The following AGBL4 variants were observed in gnomAD, a reference collection of about 807,000 sequenced individuals.
AGBL4 encodes the protein AGBL carboxypeptidase 4.
In AGBL4, 58 loss-of-function variants were observed where a neutral mutation model predicts 66.4. The ratio of observed to expected loss-of-function variants is 0.87; its 90% CI spans 0.71 to 1.09. The LOEUF is 1.09. Among genes scored for constraint, AGBL4 ranks in the 50% least tolerant of loss-of-function variants. AGBL4 has a pLI of 0.00. For missense variants in AGBL4, 579 were observed against 631.0 expected, an observed-to-expected ratio of 0.92 and a Z score of 0.88; for synonymous variants, 234 against 222.9, an observed-to-expected ratio of 1.05 and a Z score of -0.44.
chr1:49,818,043 T>A (rs2147985930), intron 2 of AGBL4, among the ~76,000 whole-genome samples: 1 of 152,298 alleles, frequency 6.6e-6, no homozygotes, highest in African/African-American at 2.4e-5. Flanking sequence ...GTTCTTAATT[T>A]TTTGTAACTT....
chr1:48,531,055 A>T (rs1264210828), downstream of AGBL4, among the ~76,000 whole-genome samples: 1 of 152,176 alleles, frequency 6.6e-6, no homozygotes, highest in Non-Finnish European at 1.5e-5. Context: ...AAAGCTAAGG[A>T]GAAGCTAAGC....
At chr1:48,839,731 G>T (rs1182224964) in intron 6 of AGBL4, among the ~76,000 whole-genome samples, 1 of 152,084 alleles carries the variant, frequency 6.6e-6, no homozygotes, top group Non-Finnish European at 1.5e-5. Flanking sequence ...TAAGAAATGG[G>T]AAATAACTGA....
intron 3 of AGBL4, among the ~76,000 whole-genome samples, chr1:49,248,743 T>G (rs1461514150): frequency 6.6e-6 from 1 of 152,192 alleles, no homozygotes; most frequent in Non-Finnish European, 1.5e-5. Flanking sequence ...GCATATTGTA[T>G]CTAGATCTAA....
rs543891790 is a variant in AGBL4, at chr1:48,744,600, C to G, written c.635-81359G>C. On this transcript the variant is annotated intron_variant, in intron 6 of 13. Coordinates refer to ENST00000371839, the MANE Select transcript of AGBL4 (RefSeq NM_032785.4). Reference sequence around the variant, plus strand: ...GTCTTTCCTCTAAAGCCTCCTTTTCCTTCCATGAGAGGCTGGACAACAGAA... The same window carrying G: ...GTCTTTCCTCTAAAGCCTCCTTTTCGTTCCATGAGAGGCTGGACAACAGAA... Among the ~76,000 whole-genome samples, 8 of 152,292 alleles carry G rather than the reference C, an allele frequency of 5.3e-5. No homozygotes were observed. In the South Asian group the frequency reaches 8.3e-4, roughly 16 times the overall value.
chr1:48,784,269 T>C (rs761417594), intron 6 of AGBL4, among the ~76,000 whole-genome samples: 51 of 152,306 alleles, frequency 3.3e-4, no homozygotes, highest in Non-Finnish European at 6.8e-4. Flanking sequence ...TTATTATAGT[T>C]ATAATTATAA....
intron 2 of AGBL4, among the ~76,000 whole-genome samples, chr1:49,704,896 G>C (rs1249955497): frequency 6.6e-6 from 1 of 152,116 alleles, no homozygotes. Flanking sequence ...GCTTAGGATT[G>C]TTTTGAATAT....
chr1:49,089,047 A>C (rs1310083418), intron 4 of AGBL4, among the ~76,000 whole-genome samples: 2 of 151,936 alleles, frequency 1.3e-5, no homozygotes, highest in Admixed American at 6.6e-5. Flanking sequence ...AAATTCTTGG[A>C]AACTAATGAG....
intron 1 of AGBL4, among the ~76,000 whole-genome samples, chr1:49,884,339 T>C (rs1647775961): frequency 6.6e-6 from 1 of 151,916 alleles, no homozygotes; most frequent in Non-Finnish European, 1.5e-5. Context: ...TAGAACATAG[T>C]ATTCACTCAG....
intron 1 of AGBL4, among the ~76,000 whole-genome samples, chr1:49,950,490 C>G (rs1353472993): frequency 6.6e-6 from 1 of 151,558 alleles, no homozygotes; most frequent in Non-Finnish European, 1.5e-5. Flanking sequence ...ACCAAAATCT[C>G]ACAAATCACC....
At chr1:49,610,981 A>G (rs2124229808) in intron 3 of AGBL4, among the ~76,000 whole-genome samples, 1 of 152,338 alleles carries the variant, frequency 6.6e-6, no homozygotes, top group South Asian at 2.1e-4. Flanking sequence ...AAAACCAACC[A>G]GGGATAAGGA....
At chr1:49,132,574 G>T (rs1645921816) in intron 4 of AGBL4, among the ~76,000 whole-genome samples, 1 of 152,074 alleles carries the variant, frequency 6.6e-6, no homozygotes, top group Non-Finnish European at 1.5e-5. Context: ...GTATTTTAGA[G>T]CCAGAAGACA....
chr1:49,099,728 T>G (rs1193934659), intron 4 of AGBL4, among the ~76,000 whole-genome samples: 1 of 152,072 alleles, frequency 6.6e-6, no homozygotes, highest in Non-Finnish European at 1.5e-5. Flanking sequence ...TCTGATTTGA[T>G]TCTATATCCC....
At chr1:49,493,269 GTTA>G (rs1375424322) in intron 3 of AGBL4, among the ~76,000 whole-genome samples, 1 of 151,932 alleles carries the variant, frequency 6.6e-6, no homozygotes, top group Non-Finnish European at 1.5e-5. Context: ...CCTTGAAATA[GTTA>G]TTATAATACT....
At chr1:49,860,938 AC>A (rs1343346471) in intron 1 of AGBL4, among the ~76,000 whole-genome samples, 1 of 151,132 alleles carries the variant, frequency 6.6e-6, no homozygotes. Flanking sequence ...CACCAATGCG[AC>A]CCCTCCCCAA....
chr1:48,718,433 G>A (rs139572000), intron 6 of AGBL4, among the ~76,000 whole-genome samples: 120 of 152,316 alleles, frequency 7.9e-4, no homozygotes, highest in African/African-American at 2.8e-3. Context: ...AAAAGTGCAT[G>A]AATCAGCAAA....
At chr1:49,536,963 T>C (rs1651639900) in intron 3 of AGBL4, among the ~76,000 whole-genome samples, 1 of 150,618 alleles carries the variant, frequency 6.6e-6, no homozygotes, top group Non-Finnish European at 1.5e-5. Flanking sequence ...GCCAAGATCA[T>C]GCCATTGCAC....
chr1:48,627,682 G>A (rs913738606), intron 9 of AGBL4, among the ~76,000 whole-genome samples: 4 of 152,064 alleles, frequency 2.6e-5, no homozygotes, highest in Admixed American at 6.5e-5. Flanking sequence ...TTAAGGAAAC[G>A]GATCTGTCTA....
chr1:48,630,666 C>T (rs1645578788), intron 9 of AGBL4, among the ~76,000 whole-genome samples: 1 of 152,182 alleles, frequency 6.6e-6, no homozygotes. Flanking sequence ...TTCTAACAGG[C>T]ACCAGAGGGG....
At chr1:49,458,775 G>C (rs1012309668) in intron 3 of AGBL4, among the ~76,000 whole-genome samples, 1 of 151,656 alleles carries the variant, frequency 6.6e-6, no homozygotes, top group African/African-American at 2.4e-5. Flanking sequence ...ATAAAGGGAT[G>C]GTGGATTTTG....
Sources: allele counts gnomAD v4.1 joint callset (sites outside exome capture counted in the v4.1 genomes callset), GRCh38; gene constraint gnomAD v4.1.1; transcripts MANE v1.5; gene names NCBI Gene and HGNC (gene_info 2026-07-23, HGNC 2026-07-21).